The following CFAP74 variants were observed in gnomAD, a reference collection of about 807,000 sequenced individuals.
CFAP74 encodes the protein cilia and flagella associated protein 74, also known as cilia- and flagella-associated protein 74.
Under a neutral mutation model 188.9 loss-of-function variants are expected in CFAP74, and 124 were observed. The observed-to-expected ratio is 0.66, with a 90% CI of 0.57 to 0.76. CFAP74 has a LOEUF of 0.76. Among genes scored for constraint, CFAP74 ranks in the 30% least tolerant of loss-of-function variants. The pLI is 0.00. For missense variants in CFAP74, 2,198 were observed against 2,165.2 expected (o/e 1.02, Z -0.30); for synonymous variants, 956 against 916.7 (o/e 1.04, Z -0.77).
At chr1:1,932,091 AAAC>A (rs1652447910) in intron 25 of CFAP74, among the ~76,000 whole-genome samples, 5 of 140,968 alleles carry the variant, frequency 3.5e-5, no homozygotes, top group Admixed American at 1.5e-4. Flanking sequence ...AAAAAACAAA[AAAC>A]AAAAAACTTA....
chr1:1,991,329 A>C (rs1657553074), intron 1 of CFAP74, among the ~76,000 whole-genome samples: 1 of 152,226 alleles, frequency 6.6e-6, no homozygotes, highest in African/African-American at 2.4e-5. Context: ...GCACCACTGC[A>C]CTCCAGCCTG....
At chr1:1,941,852 C>T (rs907611555) in intron 22 of CFAP74, among the ~76,000 whole-genome samples, 176 bp downstream of exon 22, 1 of 152,214 alleles carries the variant, frequency 6.6e-6, no homozygotes, top group African/African-American at 2.4e-5. Context: ...CCAAAACGGA[C>T]CACAGACCCA....
At chr1:1,946,770 C>T (rs898644684) in intron 19 of CFAP74, among the ~76,000 whole-genome samples, 7 of 152,364 alleles carry the variant, frequency 4.6e-5, no homozygotes, top group Non-Finnish European at 7.3e-5. Context: ...CAATCTGTGG[C>T]TTGCGTCCTG....
rs572809029 is a variant in CFAP74, at chr1:1,979,824, G to A, written c.500+5562C>T. 2.2e-3 allele frequency among the ~76,000 whole-genome samples: 261 copies of A among 118,420 alleles called. 46 individuals carry two copies. The highest frequency in any genetic ancestry group is 7.9e-3 in the African/African-American group (242 of 30,748). 77.7% of individuals were successfully genotyped at this position (118,420 alleles called of 152,430 possible). ...CATGACGAAGCTGCGCAGAACACGC[G>A]TGTGGTACTGACCTGGGTGTGGGAA... On this transcript the variant is annotated intron_variant, in intron 6 of 38. Coordinates refer to ENST00000682832, the MANE Select transcript of CFAP74 (RefSeq NM_001304360.2).
At chr1:1,948,486 A>G (rs556274011) in intron 18 of CFAP74, among the ~76,000 whole-genome samples, 9 of 150,988 alleles carry the variant, frequency 6.0e-5, no homozygotes, top group Non-Finnish European at 1.2e-4. Context: ...GATCGCAAAC[A>G]TCTGCTTAAG....
chr1:1,951,319 A>G (rs1654188388), intron 18 of CFAP74, among the ~76,000 whole-genome samples: 1 of 152,202 alleles, frequency 6.6e-6, no homozygotes, highest in Non-Finnish European at 1.5e-5. Context: ...GGGGATTACA[A>G]TTTGAGACAA....
At position 1,988,512 on chromosome 1, in the gene CFAP74, C is replaced by T; in HGVS notation, c.296G>A (p.Arg99Lys). The change falls in exon 4 of 39, where the codon AGA becomes AAA. Residue 99 changes from arginine to lysine, a missense_variant and splice_region_variant. Transcript: ENST00000682832. ...EEQELFTEKM[R>K]GELRACRQRR... ...TGCAGCGGCCTCAGCCCCAGCTCAC[C>T]TCATCTTCTCAGTGAAAAGCTCTTG... is the stretch of plus-strand genomic sequence containing the variant. 1 of 1,611,412 alleles carries T rather than the reference C, an allele frequency of 6.2e-7. No homozygotes were observed. The highest frequency in any genetic ancestry group is 1.1e-5 in the South Asian group (1 of 91,032).
At chr1:1,983,823 G>A (rs1657057992) in intron 6 of CFAP74, 1 of 152,072 alleles carries the variant, frequency 6.6e-6, no homozygotes, top group Non-Finnish European at 1.5e-5. Context: ...CGAGTAGCTG[G>A]GACTACAGGC....
At chr1:1,931,605 C>A (rs1452249839) in intron 25 of CFAP74, among the ~76,000 whole-genome samples, 1 of 138,438 alleles carries the variant, frequency 7.2e-6, no homozygotes, top group African/African-American at 2.7e-5. Context: ...GGTGTGCTGG[C>A]GGGCGCCTGT....
intron 1 of CFAP74, among the ~76,000 whole-genome samples, chr1:1,995,211 A>G (rs1657851425): frequency 1.3e-5 from 2 of 152,190 alleles, no homozygotes; most frequent in South Asian, 4.1e-4. Context: ...AAAATGTTGA[A>G]GAACAAACCA....
intron 16 of CFAP74, among the ~76,000 whole-genome samples, chr1:1,958,811 C>T (rs896344382): frequency 1.3e-5 from 2 of 150,556 alleles, no homozygotes; most frequent in Non-Finnish European, 2.9e-5. Flanking sequence ...CGGGATCCCC[C>T]CAAGAGCTGC....
At chr1:1,948,962 CTTCCTTCCTCCT>C in intron 18 of CFAP74, among the ~76,000 whole-genome samples, 1 of 112,146 alleles carries the variant, frequency 8.9e-6, no homozygotes, top group Non-Finnish European at 2.0e-5. Context: ...CCCTTACTCC[CTTCCTTCCTCCT>C]TCCCTCCCTC....
chr1:1,978,932 G>A (rs28642304), intron 6 of CFAP74, among the ~76,000 whole-genome samples: 29,329 of 127,108 alleles, frequency 0.23, 2,874 homozygotes, highest in Non-Finnish European at 0.26. Flanking sequence ...GGCATCATGT[G>A]ACGAGGCTGC....
chr1:1,976,346 T>A (rs949002958), intron 6 of CFAP74, among the ~76,000 whole-genome samples: 20 of 151,956 alleles, frequency 1.3e-4, no homozygotes, highest in African/African-American at 4.6e-4. Context: ...GACGAGTGAG[T>A]TCACGGAAGA....
chr1:1,931,304 C>A (rs1652350838), intron 25 of CFAP74, among the ~76,000 whole-genome samples: 1 of 151,112 alleles, frequency 6.6e-6, no homozygotes, highest in Non-Finnish European at 1.5e-5. Flanking sequence ...GTGGTGGGCA[C>A]CTGTAGTCCC....
chr1:1,944,615 C>CT (rs1308686755), intron 20 of CFAP74, among the ~76,000 whole-genome samples, 163 bp from the exon 21 acceptor site: 1 of 151,700 alleles, frequency 6.6e-6, no homozygotes. Flanking sequence ...TCAAAATATT[C>CT]TTTTTTTTTG....
chr1:1,939,466 G>A (rs913290027), intron 24 of CFAP74, 128 bp downstream of exon 24: 23 of 900,882 alleles, frequency 2.6e-5, no homozygotes, highest in Admixed American at 9.4e-5. Flanking sequence ...GTGGAGGGGT[G>A]CAGCTGAGAG....
intron 4 of CFAP74, 53 bp downstream of exon 4, chr1:1,988,459 C>T (rs772014146): frequency 2.9e-5 from 46 of 1,598,394 alleles, no homozygotes; most frequent in Admixed American, 2.0e-4. Flanking sequence ...ACCCATGTCA[C>T]GGCCTGGGGG....
chr1:1,947,758 C>G (rs1197630944), intron 18 of CFAP74, among the ~76,000 whole-genome samples: 1 of 152,262 alleles, frequency 6.6e-6, no homozygotes, highest in Non-Finnish European at 1.5e-5. Flanking sequence ...CTTGCCAGAG[C>G]CTGCCCCGGG....
Sources: gnomAD v4.1 joint callset for allele counts (sites outside exome capture counted in the v4.1 genomes callset) on GRCh38, gnomAD v4.1.1 for gene constraint, MANE v1.5 for transcripts, NCBI Gene and HGNC (gene_info 2026-07-23, HGNC 2026-07-21) for gene names.